Variants in PPP2R3B observed in about 807,000 individuals in gnomAD.
PPP2R3B encodes protein phosphatase 2 regulatory subunit B''beta, also known as serine/threonine-protein phosphatase 2A regulatory subunit B'' subunit beta.
A neutral mutation model predicts 72.9 loss-of-function variants in PPP2R3B; 68 were observed. The ratio of observed to expected loss-of-function variants is 0.93; its 90% CI spans 0.77 to 1.14. The LOEUF (loss-of-function observed/expected upper bound fraction) is 1.14. PPP2R3B is among the 50% of genes most tolerant of loss of function. The pLI is 0.00. For missense variants in PPP2R3B, 1,018 were observed against 842.0 expected (o/e 1.21, Z -2.59); for synonymous variants, 466 against 375.8 (o/e 1.24, Z -2.78).
At chrX:341,654 C>G (rs761660451) in intron 8 of PPP2R3B, 2 of 650,378 alleles carry the variant, frequency 3.1e-6, no homozygotes, top group Non-Finnish European at 5.4e-6. Flanking sequence ...CAAGAACCCC[C>G]GACCTGGGGC....
intron 1 of PPP2R3B, among the ~76,000 whole-genome samples, chrX:363,349 C>T (rs2071588133): frequency 6.9e-6 from 1 of 145,228 alleles, no homozygotes; most frequent in Non-Finnish European, 1.5e-5. Flanking sequence ...CCCACCATCC[C>T]GCAGTGCATC....
Position 363,690 on chromosome X carries a change from C to G in PPP2R3B, c.325-2100G>C, listed in dbSNP as rs370090570. ...CCCACAATGCATCTCCCCAAGCCCG[C>G]GATCCCACAGTGCATCTTCCCGAGC... is the stretch of plus-strand genomic sequence containing the variant. On this transcript the variant is annotated intron_variant, in intron 1 of 12. Coordinates refer to ENST00000390665, the MANE Select transcript of PPP2R3B (RefSeq NM_013239.5). 1.8e-3 allele frequency among the ~76,000 whole-genome samples: 209 copies of G among 114,888 alleles called. 5 individuals are homozygous for G. The highest frequency in any genetic ancestry group is 4.0e-3 in the Middle Eastern group (1 of 248). 75.4% of individuals were successfully genotyped at this position (114,888 alleles called of 152,430 possible). A position where few individuals can be genotyped will look rare whatever the true frequency, so the allele number is the denominator to read the frequency against.
At position 352,253 on chromosome X, in the gene PPP2R3B, G is replaced by A. The variant is rs1275923150; in HGVS notation, c.511-4560C>T. 2.6e-5 allele frequency among the ~76,000 whole-genome samples: 4 copies of A among 152,280 alleles called. No individual in the cohort carries two copies. The South Asian group carries it at 6.2e-4, about 24-fold the overall frequency. On this transcript the variant is annotated intron_variant, in intron 2 of 12. Coordinates refer to ENST00000390665, the MANE Select transcript of PPP2R3B (RefSeq NM_013239.5). ...TGATCTGACTTTTAAAAGTCTTTTC[G>A]TGATCGACACACAGAAAGACCGACT...
intron 12 of PPP2R3B, chrX:334,796 C>G (rs769393983): frequency 9.7e-5 from 38 of 392,292 alleles, no homozygotes; most frequent in Admixed American, 3.7e-4. Context: ...GGCGGGCGCG[C>G]CTCTTCCCCA....
At chrX:358,940 G>T (rs1479645822) in intron 2 of PPP2R3B, among the ~76,000 whole-genome samples, 1 of 150,180 alleles carries the variant, frequency 6.7e-6, no homozygotes, top group Non-Finnish European at 1.5e-5. Context: ...GCACCGCGGC[G>T]GGGGTAGGGG....
rs771530414 is a variant in PPP2R3B at position 347,531 on chromosome X, G to A, written c.614+59C>T. The stretch of plus-strand genomic sequence containing the variant: ...CAGGGGGCACCCGTCCTGGCACCAC[G>A]GGGACCCGGGGACGCCTCCGCCCTC... On this transcript the variant is annotated intron_variant, in intron 3 of 12. Coordinates refer to ENST00000390665, the MANE Select transcript of PPP2R3B (RefSeq NM_013239.5). 2.0e-5 allele frequency: 30 copies of A among 1,513,662 alleles called. No homozygotes were observed. In the Admixed American group the frequency reaches 3.4e-4, roughly 17 times the overall value. The allele number at this position is 1,513,662 out of a possible 1,614,324, so 93.8% of individuals were successfully genotyped here. A position where few individuals can be genotyped will look rare whatever the true frequency, so the allele number is the denominator to read the frequency against.
chrX:339,275 G>GGGGC (rs1556105669), intron 10 of PPP2R3B, among the ~76,000 whole-genome samples: 1 of 150,100 alleles, frequency 6.7e-6, no homozygotes, highest in East Asian at 2.0e-4. Flanking sequence ...CCATGGCCGG[G>GGGGC]GGGGGCAGGG....
intron 1 of PPP2R3B, among the ~76,000 whole-genome samples, chrX:363,799 C>G (rs1278108827): frequency 6.6e-6 from 1 of 152,166 alleles, no homozygotes; most frequent in African/African-American, 2.4e-5. Context: ...CCTCCTTCAT[C>G]ACGCTGGGTT....
intron 12 of PPP2R3B, chrX:337,445 G>A (rs988629636): frequency 6.6e-5 from 10 of 152,240 alleles, no homozygotes; most frequent in Admixed American, 3.3e-4. Context: ...AACGTAGCGC[G>A]GGACAGAAGC....
At chrX:369,347 G>A (rs1227577299) in intron 1 of PPP2R3B, among the ~76,000 whole-genome samples, 1 of 152,048 alleles carries the variant, frequency 6.6e-6, no homozygotes, top group African/African-American at 2.4e-5. Context: ...TAAAGAGCCC[G>A]TCACCCAAAG....
intron 1 of PPP2R3B, among the ~76,000 whole-genome samples, chrX:367,801 A>G (rs1338283890): frequency 2.0e-5 from 3 of 152,248 alleles, no homozygotes; most frequent in Admixed American, 1.3e-4. Context: ...CACAGAGGAC[A>G]GAAAGACAGG....
At chrX:345,805 G>C (rs1195182793) in intron 6 of PPP2R3B, 133 bp from the exon 7 acceptor site, 1 of 795,068 alleles carries the variant, frequency 1.3e-6, no homozygotes, top group Non-Finnish European at 1.8e-6. Flanking sequence ...GGGCAGCTGG[G>C]GCCGGGGGGC....
Position 375,344 on chromosome X carries a change from G to A in PPP2R3B, c.324+11024C>T, listed in dbSNP as rs183334122. On this transcript the variant is annotated intron_variant, in intron 1 of 12. Transcript: ENST00000390665. Reference sequence around the variant, plus strand: ...CGCAAACTCACAGGGCAGAGGTGCCGCCCAGTCACCCACGATGCGGGGCGC... The same window carrying A: ...CGCAAACTCACAGGGCAGAGGTGCCACCCAGTCACCCACGATGCGGGGCGC... Among the ~76,000 whole-genome samples, 708 of 152,092 alleles carry A rather than the reference G, an allele frequency of 4.7e-3. 2 individuals are homozygous for A. Among genetic ancestry groups the A allele is most frequent in the African/African-American group, 0.016 (669 of 41,452 alleles).
At chrX:350,765 C>T (rs1343269140) in intron 2 of PPP2R3B, among the ~76,000 whole-genome samples, 8 of 152,204 alleles carry the variant, frequency 5.3e-5, no homozygotes, top group Non-Finnish European at 8.8e-5. Flanking sequence ...TGGGACGCCA[C>T]GCAGCTGCCG....
rs867703486 is a variant in PPP2R3B at position 354,068 on chromosome X, C to T, written c.511-6375G>A. Reference sequence around the variant, plus strand: ...GGGCTCACCCAAAGACCGGGGCTCGCCCAAAGACCGGGGCTCACCCAGGGA... The same window carrying T: ...GGGCTCACCCAAAGACCGGGGCTCGTCCAAAGACCGGGGCTCACCCAGGGA... On this transcript the variant is annotated intron_variant, in intron 2 of 12. Transcript: ENST00000390665. Among the ~76,000 whole-genome samples, 213 of 127,010 alleles carry T rather than the reference C, an allele frequency of 1.7e-3. 3 individuals are homozygous for T. Among genetic ancestry groups the T allele is most frequent in the East Asian group, 0.011 (39 of 3,394 alleles). 83.3% of individuals were successfully genotyped at this position (127,010 alleles called of 152,430 possible).
chrX:351,440 G>A (rs1361517354), intron 2 of PPP2R3B, among the ~76,000 whole-genome samples: 1 of 152,214 alleles, frequency 6.6e-6, no homozygotes, highest in Non-Finnish European at 1.5e-5. Context: ...CCCGGTGGCA[G>A]GGATGGAGCA....
chrX:383,470 T>C (rs1169154480), intron 1 of PPP2R3B, among the ~76,000 whole-genome samples: 4 of 152,168 alleles, frequency 2.6e-5, no homozygotes, highest in African/African-American at 4.8e-5. Context: ...CCATACGTGT[T>C]TCTATAACAT....
Position 341,489 on chromosome X carries a change from G to GCC in PPP2R3B, c.1086-95_1086-94dup, listed in dbSNP as rs200690031. 5.5e-4 allele frequency: 687 copies of GCC among 1,258,934 alleles called. 9 individuals carry two copies. Among genetic ancestry groups the GCC allele is most frequent in the African/African-American group, 1.0e-3 (70 of 68,328 alleles). The allele number at this position is 1,258,934 out of a possible 1,614,324, so 78.0% of individuals were successfully genotyped here. On this transcript the variant is annotated intron_variant, in intron 8 of 12. Coordinates refer to ENST00000390665, the MANE Select transcript of PPP2R3B (RefSeq NM_013239.5). ...CTGTCCACGCGCCTCGGTGAGGGGA[G>GCC]CCCCCCGGGCCCGGCCCTCCTCCTG...
rs372414725 is a variant in PPP2R3B, at chrX:341,356, C to G, written c.1126G>C (p.Asp376His). ...VQKEGKISYA[D>H]FVWFLISEED... is the part of the protein sequence containing the mutation. ...TCAGAGATCAAAAACCAGACAAAGT[C>G]GGCATAGCTGATCTTCCCTTCCTTC... Residue 376 changes from aspartate to histidine, a missense_variant, in exon 9 of 13, where the codon GAC becomes CAC. Coordinates refer to ENST00000390665, the MANE Select transcript of PPP2R3B (RefSeq NM_013239.5). 1 of 1,612,622 alleles carries G rather than the reference C, an allele frequency of 6.2e-7. No homozygotes were observed. Among genetic ancestry groups the G allele is most frequent in the African/African-American group, 1.3e-5 (1 of 74,934 alleles).
Sources: gnomAD v4.1 joint callset for allele counts (sites outside exome capture counted in the v4.1 genomes callset) on GRCh38, gnomAD v4.1.1 for gene constraint, MANE v1.5 for transcripts, NCBI Gene and HGNC (gene_info 2026-07-23, HGNC 2026-07-21) for gene names.